HCN1: variants seen among roughly 807,000 people sequenced by gnomAD.
HCN1 encodes hyperpolarization activated cyclic nucleotide gated potassium channel 1.
In HCN1, 13 loss-of-function variants were observed where a neutral mutation model predicts 78.9. The observed-to-expected ratio is 0.16, with a 90% CI of 0.11 to 0.26. The LOEUF (loss-of-function observed/expected upper bound fraction) is 0.26. Among genes scored for constraint, HCN1 ranks in the 10% least tolerant of loss-of-function variants. The pLI, the probability that HCN1 is intolerant of heterozygous loss-of-function variation, is 1.00. For missense variants in HCN1, 810 were observed against 1,154.3 expected, an observed-to-expected ratio of 0.70 and a Z score of 4.32; for synonymous variants, 552 against 455.5, an observed-to-expected ratio of 1.21 and a Z score of -2.70.
At position 45,262,284 on chromosome 5, in the gene HCN1, G is replaced by A. The variant is rs749727167; in HGVS notation, c.2310C>T (p.Ser770=). 8.7e-6 allele frequency: 14 copies of A among 1,613,910 alleles called. No individual in the cohort carries two copies. Among genetic ancestry groups the A allele is most frequent in the Admixed American group, 5.0e-5 (3 of 60,012 alleles). ...SSTPKNEVHK[S]TQALHNTNLT... ...GGTTGGTGTTGTGAAGCGCCTGCGT[G>A]CTCTTGTGCACTTCATTTTTCGGCG... is the stretch of plus-strand genomic sequence containing the variant. Residue 770 remains serine (S), a synonymous_variant, in exon 8 of 8, where the codon AGC becomes AGT. Transcript: ENST00000303230.
chr5:45,460,666 T>A (rs1579909436), intron 3 of HCN1, among the ~76,000 whole-genome samples: 1 of 151,306 alleles, frequency 6.6e-6, no homozygotes. Flanking sequence ...ATATAATAAA[T>A]ATCAGGTCAA....
At chr5:45,596,141 AC>A (rs1464494278) in intron 2 of HCN1, among the ~76,000 whole-genome samples, 1 of 151,644 alleles carries the variant, frequency 6.6e-6, no homozygotes, top group Non-Finnish European at 1.5e-5. Context: ...CTTGTGATCC[AC>A]CCGCCTTGGC....
Position 45,568,921 on chromosome 5 carries a change from T to C in HCN1, c.849+76264A>G, listed in dbSNP as rs78754595. ...TGATCTTTTTCCACCCTTTCTCTCC[T>C]GAACTAAGGCTCAGAAACCGAAATT... is the stretch of plus-strand genomic sequence containing the variant. On this transcript the variant is annotated intron_variant, in intron 2 of 7. Transcript: ENST00000303230. 4.1e-3 allele frequency among the ~76,000 whole-genome samples: 622 copies of C among 152,234 alleles called. 3 individuals are homozygous for C. Among genetic ancestry groups the C allele is most frequent in the African/African-American group, 0.014 (576 of 41,556 alleles).
chr5:45,623,014 A>T, intron 2 of HCN1, among the ~76,000 whole-genome samples: 1 of 151,424 alleles, frequency 6.6e-6, no homozygotes, highest in Non-Finnish European at 1.5e-5. Context: ...TCTCTTCTCA[A>T]CTCCCCACTC....
intron 5 of HCN1, among the ~76,000 whole-genome samples, chr5:45,311,949 C>G (rs897180961): frequency 9.2e-5 from 14 of 152,206 alleles, no homozygotes; most frequent in African/African-American, 2.9e-4. Flanking sequence ...ATGCTGCAAA[C>G]TATTTCCTCA....
intron 2 of HCN1, among the ~76,000 whole-genome samples, chr5:45,613,420 T>C (rs1190130792): frequency 6.6e-6 from 1 of 152,006 alleles, no homozygotes; most frequent in East Asian, 1.9e-4. Context: ...TGAGATACCA[T>C]CTCACACCAC....
At chr5:45,349,138 G>A (rs1484451580) in intron 5 of HCN1, among the ~76,000 whole-genome samples, 1 of 152,054 alleles carries the variant, frequency 6.6e-6, no homozygotes, top group Non-Finnish European at 1.5e-5. Context: ...GCTCTCCTCA[G>A]CAAATGTAAA....
At chr5:45,383,933 A>G (rs961345004) in intron 4 of HCN1, among the ~76,000 whole-genome samples, 9 of 152,112 alleles carry the variant, frequency 5.9e-5, no homozygotes, top group African/African-American at 2.2e-4. Flanking sequence ...ACAAACAAAA[A>G]CAACCTTATA....
chr5:45,484,185 C>G (rs1391105426), intron 2 of HCN1, among the ~76,000 whole-genome samples: 1 of 152,128 alleles, frequency 6.6e-6, no homozygotes, highest in Non-Finnish European at 1.5e-5. Context: ...GTAATCCCAT[C>G]ACTTTGGGAG....
chr5:45,291,647 C>T lies in HCN1; in HGVS notation c.1618+11952G>A, dbSNP rs528232791. ...GCAACCTCCATCTCCTCAAGGGATCCTCCCACTTCAGGCCCCCCAAGTAGT... is the reference window on the plus strand; with the variant it reads ...GCAACCTCCATCTCCTCAAGGGATCTTCCCACTTCAGGCCCCCCAAGTAGT... On this transcript the variant is annotated intron_variant, in intron 6 of 7. Transcript: ENST00000303230. Among the ~76,000 whole-genome samples the T allele has an allele frequency of 3.9e-5, 6 of 152,008 alleles. No homozygotes were observed. In the South Asian group the frequency reaches 1.2e-3, roughly 32 times the overall value.
intron 2 of HCN1, among the ~76,000 whole-genome samples, chr5:45,596,145 G>A (rs1310996557): frequency 1.3e-5 from 2 of 151,920 alleles, no homozygotes; most frequent in Non-Finnish European, 1.5e-5. Context: ...TGATCCACCC[G>A]CCTTGGCCTC....
intron 5 of HCN1, among the ~76,000 whole-genome samples, chr5:45,341,184 A>C (rs1746572715): frequency 6.6e-6 from 1 of 152,188 alleles, no homozygotes; most frequent in South Asian, 2.1e-4. Flanking sequence ...TCATTTTAAG[A>C]AGGAATGAGA....
chr5:45,583,780 T>C (rs1051449944), intron 2 of HCN1, among the ~76,000 whole-genome samples: 4 of 152,232 alleles, frequency 2.6e-5, no homozygotes, highest in Non-Finnish European at 5.9e-5. Flanking sequence ...CATTTCATTA[T>C]GTACCCAGCA....
chr5:45,441,684 A>G (rs904199431), intron 3 of HCN1, among the ~76,000 whole-genome samples: 1 of 152,196 alleles, frequency 6.6e-6, no homozygotes, highest in African/African-American at 2.4e-5. Flanking sequence ...ATTAAGAAAA[A>G]TCTTCTTTAA....
Position 45,681,473 on chromosome 5 carries a change from A to G in HCN1, c.425+14196T>C, listed in dbSNP as rs1739701825. Among the ~76,000 whole-genome samples the G allele has an allele frequency of 2.0e-5, 3 of 152,032 alleles. No individual in the cohort carries two copies. In the East Asian group the frequency reaches 5.8e-4, roughly 29 times the overall value. On this transcript the variant is annotated intron_variant, in intron 1 of 7. Transcript: ENST00000303230. Reference sequence around the variant, plus strand: ...AAGATCTATGATATATTTTCTATTTACACAAGGGCTAATTTAACACTGCTC... The same window carrying G: ...AAGATCTATGATATATTTTCTATTTGCACAAGGGCTAATTTAACACTGCTC...
At chr5:45,650,709 T>C (rs2112039855) in intron 1 of HCN1, among the ~76,000 whole-genome samples, 1 of 152,166 alleles carries the variant, frequency 6.6e-6, no homozygotes, top group South Asian at 2.1e-4. Context: ...TATAGGTTTC[T>C]AGAAGAGATA....
intron 2 of HCN1, among the ~76,000 whole-genome samples, chr5:45,589,961 T>C (rs542392379): frequency 6.6e-6 from 1 of 152,294 alleles, no homozygotes; most frequent in African/African-American, 2.4e-5. Context: ...CTAGTCTATT[T>C]AGAAAATGTC....
chr5:45,586,866 T>C (rs1744240069), intron 2 of HCN1, among the ~76,000 whole-genome samples: 1 of 152,206 alleles, frequency 6.6e-6, no homozygotes, highest in Non-Finnish European at 1.5e-5. Context: ...ACTATCTTAA[T>C]AAACCTTTTG....
At chr5:45,494,797 C>T (rs1741987584) in intron 2 of HCN1, among the ~76,000 whole-genome samples, 1 of 152,158 alleles carries the variant, frequency 6.6e-6, no homozygotes, top group Non-Finnish European at 1.5e-5. Context: ...GGAAGGGATC[C>T]AGTTTCAGCT....
Sources: gnomAD v4.1 joint callset for allele counts (sites outside exome capture counted in the v4.1 genomes callset) on GRCh38, gnomAD v4.1.1 for gene constraint, MANE v1.5 for transcripts, NCBI Gene and HGNC (gene_info 2026-07-23, HGNC 2026-07-21) for gene names.